The following FRYL variants were observed in gnomAD, a reference collection of about 807,000 sequenced individuals.
The protein encoded by FRYL is protein furry homolog-like.
FRYL carries 150 observed loss-of-function variants against 351.2 expected under a neutral mutation model. The ratio of observed to expected loss-of-function variants is 0.43; its 90% CI spans 0.37 to 0.49. The LOEUF (loss-of-function observed/expected upper bound fraction) is 0.49. Ranked by LOEUF, FRYL falls within the 20% of genes least tolerant of loss-of-function variation. The pLI is 0.00. For missense variants in FRYL, 3,036 were observed against 3,619.3 expected (o/e 0.84, Z 4.13); for synonymous variants, 1,153 against 1,257.1 (o/e 0.92, Z 1.75).
intron 62 of FRYL, 78 bp from the exon 63 acceptor site, chr4:48,500,298 G>T: frequency 1.3e-6 from 1 of 796,632 alleles, no homozygotes; most frequent in Non-Finnish European, 1.9e-6. Context: ...GAATATACCT[G>T]ATGGCAGTAG....
intron 7 of FRYL, among the ~76,000 whole-genome samples, chr4:48,613,456 T>A (rs2149293256): frequency 6.6e-6 from 1 of 152,320 alleles, no homozygotes; most frequent in South Asian, 2.1e-4. Context: ...AGTTTAACAA[T>A]GACAGCTAAC....
rs530397237 is a variant in FRYL at position 48,540,557 on chromosome 4, T to A, written c.6091A>T (p.Ile2031Phe). 4 of 1,614,024 alleles carry A rather than the reference T, an allele frequency of 2.5e-6. No individual in the cohort carries two copies. In the South Asian group the frequency reaches 4.4e-5, roughly 18 times the overall value. ...TCTGATTTATCCAAAGGCAAATGGA[T>A]AAGCAGTTTGTTGAGAAGCCTGAGA... ...LALRLLNKLLIHLPLDKSESR... is the reference protein window; with the variant it reads ...LALRLLNKLLFHLPLDKSESR... The change falls in exon 46 of 64, where the codon ATC (isoleucine) becomes TTC (phenylalanine). Residue 2031 changes from isoleucine (I) to phenylalanine (F), a missense_variant. Physicochemically the swap from Ile to Phe is conservative, Grantham distance 21. Coordinates refer to ENST00000358350, the MANE Select transcript of FRYL (RefSeq NM_015030.2).
chr4:48,580,281 T>A (rs1740606287), intron 22 of FRYL, among the ~76,000 whole-genome samples: 1 of 152,172 alleles, frequency 6.6e-6, no homozygotes, highest in Non-Finnish European at 1.5e-5. Context: ...AACTTTGGAA[T>A]CTTAATATAT....
At chr4:48,512,788 A>G (rs1312445844) in intron 56 of FRYL, 100 bp from the exon 57 acceptor site, 1 of 792,882 alleles carries the variant, frequency 1.3e-6, no homozygotes, top group Non-Finnish European at 2.1e-6. Context: ...GGTTATTTTT[A>G]TTCATCATAC....
intron 1 of FRYL, among the ~76,000 whole-genome samples, chr4:48,726,072 C>A (rs555909428): frequency 6.6e-6 from 1 of 152,196 alleles, no homozygotes; most frequent in South Asian, 2.1e-4. Context: ...CCTTGAAATT[C>A]TTAACAAAGA....
intron 4 of FRYL, among the ~76,000 whole-genome samples, chr4:48,633,638 T>A (rs1478758470): frequency 6.6e-6 from 1 of 152,200 alleles, no homozygotes; most frequent in East Asian, 1.9e-4. Flanking sequence ...AACCCTTAAC[T>A]TTCATTCAAA....
chr4:48,675,661 G>C (rs908182471), intron 3 of FRYL, among the ~76,000 whole-genome samples: 1 of 152,166 alleles, frequency 6.6e-6, no homozygotes, highest in Non-Finnish European at 1.5e-5. Flanking sequence ...TAGCCTCCCC[G>C]ACGAGCACCA....
intron 3 of FRYL, among the ~76,000 whole-genome samples, chr4:48,676,099 C>A (rs1763628451): frequency 6.6e-6 from 1 of 152,110 alleles, no homozygotes; most frequent in Admixed American, 6.5e-5. Context: ...CAAAACAGGC[C>A]ACTCAGCTCT....
At chr4:48,753,891 T>C (rs1298644662) in intron 1 of FRYL, among the ~76,000 whole-genome samples, 1 of 152,138 alleles carries the variant, frequency 6.6e-6, no homozygotes, top group African/African-American at 2.4e-5. Context: ...AGATCCCGCA[T>C]TTCCCCCACT....
At chr4:48,754,101 T>C (rs1217865504) in intron 1 of FRYL, among the ~76,000 whole-genome samples, 1 of 152,216 alleles carries the variant, frequency 6.6e-6, no homozygotes, top group Non-Finnish European at 1.5e-5. Flanking sequence ...GCATTATATT[T>C]TACAACCAAC....
intron 1 of FRYL, among the ~76,000 whole-genome samples, chr4:48,742,562 T>C (rs1772213393): frequency 6.6e-6 from 1 of 152,198 alleles, no homozygotes; most frequent in Non-Finnish European, 1.5e-5. Context: ...ATTGATATTG[T>C]CAGTTATTCC....
chr4:48,779,752 C>G (rs934260310), intron 1 of FRYL, among the ~76,000 whole-genome samples: 1 of 151,894 alleles, frequency 6.6e-6, no homozygotes, highest in African/African-American at 2.4e-5. Flanking sequence ...CGAGAAGAGC[C>G]AGGCACTGGA....
chr4:48,680,857 A>C (rs958828497), intron 3 of FRYL: 155 of 497,178 alleles, frequency 3.1e-4, no homozygotes, highest in South Asian at 1.2e-3. Flanking sequence ...ACTAGAATTC[A>C]TACTTGTAAA....
chr4:48,677,572 G>A (rs775880688), intron 3 of FRYL, among the ~76,000 whole-genome samples: 7 of 151,806 alleles, frequency 4.6e-5, no homozygotes, highest in Admixed American at 6.6e-5. Flanking sequence ...CACCATGCCC[G>A]GCTAATTTTT....
intron 30 of FRYL, 28 bp downstream of exon 30, chr4:48,564,905 G>T: frequency 8.2e-7 from 1 of 1,217,874 alleles, no homozygotes; most frequent in South Asian, 1.3e-5. Context: ...AACTTATTAT[G>T]AACCTTTAAG....
At position 48,540,336 on chromosome 4, in the gene FRYL, A is replaced by G; in HGVS notation, c.6295+17T>C. 1 of 1,603,190 alleles carries G rather than the reference A, an allele frequency of 6.2e-7. No individual in the cohort carries two copies. The highest frequency in any genetic ancestry group is 8.5e-7 in the Non-Finnish European group (1 of 1,173,408). ...TGCATAAAATGCAAAGTGCTGGTGC[A>G]ATTATATTAACATCACCTGACAATT... is the stretch of plus-strand genomic sequence containing the variant. On this transcript the variant is annotated intron_variant, in intron 46 of 63. Coordinates refer to ENST00000358350, the MANE Select transcript of FRYL (RefSeq NM_015030.2).
At chr4:48,685,344 T>C (rs1254383943) in intron 2 of FRYL, among the ~76,000 whole-genome samples, 1 of 152,204 alleles carries the variant, frequency 6.6e-6, no homozygotes, top group Non-Finnish European at 1.5e-5. Flanking sequence ...ACAAAATCCA[T>C]ACAGGCAATT....
At chr4:48,716,441 C>G (rs1356304916) in intron 1 of FRYL, among the ~76,000 whole-genome samples, 1 of 151,260 alleles carries the variant, frequency 6.6e-6, no homozygotes, top group Non-Finnish European at 1.5e-5. Context: ...AAAAAACAAA[C>G]AACCCCGTCA....
intron 7 of FRYL, among the ~76,000 whole-genome samples, chr4:48,615,021 T>C (rs1381959343): frequency 2.0e-5 from 3 of 151,902 alleles, no homozygotes; most frequent in African/African-American, 7.3e-5. Context: ...AGAAACGGGG[T>C]TTCACCGTGT....
Sources: allele counts gnomAD v4.1 joint callset (sites outside exome capture counted in the v4.1 genomes callset), GRCh38; gene constraint gnomAD v4.1.1; transcripts MANE v1.5; gene names NCBI Gene and HGNC (gene_info 2026-07-23, HGNC 2026-07-21).